The following AK9 variants were observed in gnomAD, a reference collection of about 807,000 sequenced individuals.
The protein encoded by AK9 is adenylate kinase 9.
A neutral mutation model predicts 239.6 loss-of-function variants in AK9; 191 were observed. That is an observed-to-expected ratio of 0.80 (90% confidence interval 0.71 to 0.90). The LOEUF is 0.90. Among genes scored for constraint, AK9 ranks in the 40% least tolerant of loss-of-function variants. The probability of loss-of-function intolerance (pLI) is 0.00; values close to 1 mark genes in which losing one functional copy is unlikely to be tolerated. For missense variants in AK9, 1,995 were observed against 2,214.7 expected, an observed-to-expected ratio of 0.90 and a Z score of 1.99; for synonymous variants, 689 against 721.0, an observed-to-expected ratio of 0.96 and a Z score of 0.71.
chr6:109,622,318 CAT>C (rs1201391819), intron 12 of AK9, among the ~76,000 whole-genome samples: 2 of 142,090 alleles, frequency 1.4e-5, no homozygotes, highest in South Asian at 4.4e-4. Flanking sequence ...CATACATGTA[CAT>C]ATATGTATAT....
At chr6:109,532,542 A>G (rs1781413719) in intron 28 of AK9, among the ~76,000 whole-genome samples, 2 of 152,078 alleles carry the variant, frequency 1.3e-5, no homozygotes, top group Admixed American at 1.3e-4. Flanking sequence ...ACTCAGCACA[A>G]TGGTTTTGAT....
At chr6:109,524,521 C>G (rs1780222918) in intron 29 of AK9, among the ~76,000 whole-genome samples, 1 of 152,048 alleles carries the variant, frequency 6.6e-6, no homozygotes, top group African/African-American at 2.4e-5. Context: ...ACACCATAAC[C>G]AAACTGTTGA....
chr6:109,506,697 C>G lies in AK9; in HGVS notation c.4585G>C (p.Glu1529Gln). ...VIFELSVPSK[E>Q]IFKRLLLEKE... ...TCTAGGAGCAATCTTTTGAAAATCT[C>G]CTTGGAAGGCACACTCAATTCAAAG... Residue 1529 changes from glutamate to glutamine, a missense_variant, in exon 34 of 41, where the codon GAG becomes CAG. Glu to Gln is a conservative substitution (Grantham distance 29). Transcript: ENST00000424296. The G allele has an allele frequency of 1.3e-6, 2 of 1,537,422 alleles. No homozygotes were observed. The highest frequency in any genetic ancestry group is 1.8e-6 in the Non-Finnish European group (2 of 1,137,186).
At chr6:109,520,210 T>A (rs562830928) in intron 29 of AK9, among the ~76,000 whole-genome samples, 3 of 152,188 alleles carry the variant, frequency 2.0e-5, no homozygotes, top group Admixed American at 2.0e-4. Context: ...TCCAGAATGG[T>A]GTTTCCCAGG....
At position 109,529,043 on chromosome 6, in the gene AK9, G is replaced by A. The variant is rs1398023007; in HGVS notation, c.3601C>T (p.Leu1201Phe). Residue 1201 changes from leucine to phenylalanine, a missense_variant, in exon 29 of 41, where the codon CTT (leucine) becomes TTT (phenylalanine). Leu to Phe is a conservative substitution (Grantham distance 22). Transcript: ENST00000424296. ...CTTTTTTTATCTCTCTCTAATATAA[G>A]TTCAGCCCTTCTTTTAGCAATCGTA... ...VDTIAKRRAE[L>F]ILERDKKRRE... The A allele has an allele frequency of 1.9e-6, 3 of 1,584,746 alleles. No individual in the cohort carries two copies. Among genetic ancestry groups the A allele is most frequent in the Non-Finnish European group, 2.6e-6 (3 of 1,171,688 alleles).
chr6:109,540,218 A>C (rs942628260), intron 27 of AK9, among the ~76,000 whole-genome samples: 2 of 152,230 alleles, frequency 1.3e-5, no homozygotes, highest in African/African-American at 4.8e-5. Context: ...CTACAGATGC[A>C]GTCAGGCCTC....
chr6:109,551,962 C>T (rs567910885), intron 24 of AK9, among the ~76,000 whole-genome samples: 7 of 152,126 alleles, frequency 4.6e-5, no homozygotes, highest in South Asian at 2.1e-4. Context: ...CTTATAAGTG[C>T]GAACATGTGA....
chr6:109,643,414 T>G (rs1415309383), intron 9 of AK9, among the ~76,000 whole-genome samples: 1 of 152,238 alleles, frequency 6.6e-6, no homozygotes, highest in East Asian at 1.9e-4. Flanking sequence ...TCAAGTAGAT[T>G]TCTTAAATGT....
At chr6:109,648,552 A>G (rs888026138) in intron 8 of AK9, among the ~76,000 whole-genome samples, 20 of 152,208 alleles carry the variant, frequency 1.3e-4, no homozygotes, top group African/African-American at 4.8e-4. Flanking sequence ...AAGAAGTTGA[A>G]TCTCTGAATA....
At chr6:109,677,938 G>A (rs1364186474) in intron 1 of AK9, among the ~76,000 whole-genome samples, 1 of 152,190 alleles carries the variant, frequency 6.6e-6, no homozygotes, top group African/African-American at 2.4e-5. Flanking sequence ...TGAGGATGCA[G>A]AGAAACTGGA....
rs1409309507 is a variant in AK9 at position 109,675,728 on chromosome 6, C to T, written c.18G>A (p.Lys6=). Residue 6 remains lysine, a synonymous_variant, in exon 2 of 41, where the codon AAG becomes AAA. Transcript: ENST00000424296. ...TATCTGCAAAAGGATACTCTTCTGT[C>T]TTCTCTTGAGAAGTCATGACACAAA... The part of the protein sequence containing the change: MTSQE[K]TEEYPFADIF... The T allele has an allele frequency of 3.2e-6, 5 of 1,584,124 alleles. No homozygotes were observed. Among genetic ancestry groups the T allele is most frequent in the Non-Finnish European group, 4.3e-6 (5 of 1,166,892 alleles).
At chr6:109,560,922 T>C (rs1344491983) in intron 24 of AK9, among the ~76,000 whole-genome samples, 1 of 152,212 alleles carries the variant, frequency 6.6e-6, no homozygotes, top group African/African-American at 2.4e-5. Context: ...AGCTTTTGTA[T>C]GTCTAACAGA....
chr6:109,570,841 A>T (rs919608587), intron 21 of AK9, among the ~76,000 whole-genome samples: 2 of 152,214 alleles, frequency 1.3e-5, no homozygotes. Context: ...GAAGAGCTCA[A>T]TGAATTCCCG....
At chr6:109,562,730 A>G (rs941228800) in intron 24 of AK9, among the ~76,000 whole-genome samples, 4 of 142,046 alleles carry the variant, frequency 2.8e-5, no homozygotes, top group African/African-American at 1.0e-4. Flanking sequence ...ACCCTACCCA[A>G]TGCTCTGTGA....
At chr6:109,638,019 C>T (rs1262791454) in intron 10 of AK9, among the ~76,000 whole-genome samples, 1 of 152,130 alleles carries the variant, frequency 6.6e-6, no homozygotes, top group Admixed American at 6.6e-5. Context: ...GTGGTCTGGA[C>T]TGCCAGGTAG....
chr6:109,634,875 A>C (rs1289570995), intron 10 of AK9, among the ~76,000 whole-genome samples: 1 of 152,218 alleles, frequency 6.6e-6, no homozygotes, highest in African/African-American at 2.4e-5. Context: ...ATAGACCATA[A>C]GTATTCTCTA....
intron 12 of AK9, among the ~76,000 whole-genome samples, chr6:109,623,622 T>C (rs772307748): frequency 8.5e-5 from 13 of 152,174 alleles, no homozygotes; most frequent in Non-Finnish European, 1.6e-4. Context: ...TCAGAGAGAC[T>C]ATGCAAGATC....
At chr6:109,651,520 A>G (rs1262589966) in intron 8 of AK9, among the ~76,000 whole-genome samples, 1 of 152,202 alleles carries the variant, frequency 6.6e-6, no homozygotes, top group Non-Finnish European at 1.5e-5. Context: ...TAGAGAAGCA[A>G]GAGCAAACAA....
intron 27 of AK9, among the ~76,000 whole-genome samples, chr6:109,537,951 T>C (rs1782263644): frequency 6.6e-6 from 1 of 152,248 alleles, no homozygotes. Context: ...CTAGTTTGAT[T>C]GCACTGTAGT....
Sources: gnomAD v4.1 joint callset for allele counts (sites outside exome capture counted in the v4.1 genomes callset) on GRCh38, gnomAD v4.1.1 for gene constraint, MANE v1.5 for transcripts, NCBI Gene and HGNC (gene_info 2026-07-23, HGNC 2026-07-21) for gene names.